DMD: variants seen among roughly 807,000 people sequenced by gnomAD.
DMD encodes dystrophin, also known as mutant dystrophin.
In DMD, 63 loss-of-function variants were observed where a neutral mutation model predicts 330.1. The ratio of observed to expected loss-of-function variants is 0.19; its 90% CI spans 0.16 to 0.24. The LOEUF (loss-of-function observed/expected upper bound fraction) is 0.24. Among genes scored for constraint, DMD ranks in the 10% least tolerant of loss-of-function variants. The pLI, the probability that DMD is intolerant of heterozygous loss-of-function variation, is 1.00. For missense variants in DMD, 3,344 were observed against 2,684.1 expected, an observed-to-expected ratio of 1.25 and a Z score of -5.43; for synonymous variants, 1,223 against 959.8, an observed-to-expected ratio of 1.27 and a Z score of -5.07.
At chrX:32,408,390 T>C (rs1217613030) in intron 30 of DMD, among the ~76,000 whole-genome samples, 1 of 112,019 alleles carries the variant, frequency 8.9e-6, no homozygotes, top group African/African-American at 3.2e-5. Context: ...CCAATGTGAA[T>C]GTAAAGAAGC....
chrX:32,532,001 T>A (rs1656938346), intron 17 of DMD, among the ~76,000 whole-genome samples: 1 of 111,338 alleles, frequency 9.0e-6, no homozygotes. Flanking sequence ...TTTCCCTTAA[T>A]TTCCTAAAAT....
chrX:32,748,522 T>G (rs1238296952), intron 7 of DMD, among the ~76,000 whole-genome samples: 1 of 111,354 alleles, frequency 9.0e-6, no homozygotes, highest in African/African-American at 3.3e-5. Context: ...TTTTAATAAT[T>G]ACATCTACAG....
intron 18 of DMD, among the ~76,000 whole-genome samples, chrX:32,513,434 G>T (rs970374934): frequency 2.7e-5 from 3 of 112,431 alleles, no homozygotes; most frequent in Non-Finnish European, 5.6e-5. Flanking sequence ...ATAGAAGTAA[G>T]CCATGATATT....
At chrX:32,216,860 G>A (rs2097114098) in intron 44 of DMD, 56 bp downstream of exon 44, 1 of 1,081,794 alleles carries the variant, frequency 9.2e-7, no homozygotes, top group African/African-American at 1.8e-5. Flanking sequence ...AGAAGTTAAA[G>A]AGTCCAGATG....
intron 7 of DMD, among the ~76,000 whole-genome samples, chrX:32,758,473 T>A (rs1489812332): frequency 9.0e-6 from 1 of 111,370 alleles, no homozygotes; most frequent in Non-Finnish European, 1.9e-5. Context: ...ATTCTCCTAC[T>A]CATCCAAATG....
intron 62 of DMD, among the ~76,000 whole-genome samples, chrX:31,309,457 AC>A (rs1260653895): frequency 1.8e-5 from 2 of 112,136 alleles, no homozygotes; most frequent in Non-Finnish European, 3.8e-5. Flanking sequence ...AAAACTTGGG[AC>A]AAGATGTTAA....
rs185146153 is a variant in DMD at position 32,481,415 on chromosome X, A to C, written c.2803+3504T>G. Among the ~76,000 whole-genome samples, 937 of 111,525 alleles carry C rather than the reference A, an allele frequency of 8.4e-3. 5 individuals are homozygous for C. Among genetic ancestry groups the C allele is most frequent in the Middle Eastern group, 0.014 (3 of 217 alleles). The stretch of plus-strand genomic sequence containing the variant: ...CCAGCTAGAGGGTGAGTTTTGAAAA[A>C]ATACAACTAAGGGTACTTAATTTCC... On this transcript the variant is annotated intron_variant, in intron 21 of 78. Transcript: ENST00000357033.
At chrX:32,199,969 T>G (rs1017624757) in intron 44 of DMD, among the ~76,000 whole-genome samples, 1 of 110,884 alleles carries the variant, frequency 9.0e-6, no homozygotes, top group African/African-American at 3.3e-5. Context: ...CACCTATAGT[T>G]TCTACCTCAA....
intron 55 of DMD, among the ~76,000 whole-genome samples, chrX:31,532,278 C>T (rs1227738718): frequency 2.4e-5 from 2 of 84,098 alleles, no homozygotes; most frequent in Non-Finnish European, 4.4e-5. Flanking sequence ...AGACTAACAG[C>T]GGATCTCTCG....
intron 16 of DMD, among the ~76,000 whole-genome samples, chrX:32,547,057 A>G (rs868504566): frequency 1.8e-5 from 2 of 109,199 alleles, no homozygotes; most frequent in East Asian, 5.8e-4. Flanking sequence ...AAGATAATTT[A>G]TTTTTTTATT....
chrX:32,971,395 G>C lies in DMD; in HGVS notation c.93+48744C>G, dbSNP rs949192140. Among the ~76,000 whole-genome samples, 3 of 111,589 alleles carry C rather than the reference G, an allele frequency of 2.7e-5. No homozygotes were observed. In the East Asian group the frequency reaches 8.4e-4, roughly 31 times the overall value. ...AATAATTTTTTTAACTAAATACTTG[G>C]TCACACTATATAAGTGGCATGTGAA... is the stretch of plus-strand genomic sequence containing the variant. On this transcript the variant is annotated intron_variant, in intron 2 of 78. Coordinates refer to ENST00000357033, the MANE Select transcript of DMD (RefSeq NM_004006.3).
In DMD at chrX:31,898,812, G is replaced by T. The variant is rs769308424; in HGVS notation, c.6913-23439C>A. 2.7e-5 allele frequency among the ~76,000 whole-genome samples: 3 copies of T among 112,114 alleles called. No individual in the cohort carries two copies. In the South Asian group the frequency reaches 1.1e-3, roughly 41 times the overall value. On this transcript the variant is annotated intron_variant, in intron 47 of 78. Coordinates refer to ENST00000357033, the MANE Select transcript of DMD (RefSeq NM_004006.3). ...GTAACATGTAAAGTGACAATTTAGA[G>T]GCTGATACAGAAGAATAGCGAATAA...
intron 44 of DMD, among the ~76,000 whole-genome samples, chrX:32,038,335 T>C (rs1324478570): frequency 3.6e-5 from 4 of 112,079 alleles, no homozygotes; most frequent in Non-Finnish European, 7.5e-5. Flanking sequence ...CTACACTTTT[T>C]ATTCTCAAAA....
intron 55 of DMD, among the ~76,000 whole-genome samples, chrX:31,574,153 T>TG (rs980143779): frequency 2.0e-5 from 2 of 100,341 alleles, no homozygotes; most frequent in African/African-American, 7.3e-5. Flanking sequence ...TTTGTTTTTT[T>TG]TTTTTTTTGA....
intron 13 of DMD, among the ~76,000 whole-genome samples, chrX:32,577,719 A>G (rs1303268324): frequency 8.9e-6 from 1 of 112,206 alleles, no homozygotes; most frequent in Non-Finnish European, 1.9e-5. Context: ...GCATGAACAC[A>G]TATCCTTTAG....
intron 2 of DMD, among the ~76,000 whole-genome samples, chrX:32,861,501 G>A (rs775038498): frequency 1.8e-5 from 2 of 111,658 alleles, no homozygotes; most frequent in African/African-American, 3.3e-5. Flanking sequence ...TCTGAGAAGA[G>A]TTTAATAAGG....
At chrX:31,499,952 G>T (rs1265764569) in intron 56 of DMD, among the ~76,000 whole-genome samples, 1 of 112,022 alleles carries the variant, frequency 8.9e-6, no homozygotes, top group Non-Finnish European at 1.9e-5. Context: ...TGGGTAAGGG[G>T]ACTTCCTTTA....
At chrX:31,127,465 A>C (rs770104577) in intron 77 of DMD, among the ~76,000 whole-genome samples, 5 of 112,720 alleles carry the variant, frequency 4.4e-5, no homozygotes, top group Admixed American at 9.4e-5. Flanking sequence ...ATTGGACAGA[A>C]AAGTAGGGAC....
chrX:33,169,562 AT>A (rs1414045629), intron 1 of DMD, among the ~76,000 whole-genome samples: 1 of 111,952 alleles, frequency 8.9e-6, no homozygotes, highest in Non-Finnish European at 1.9e-5. Context: ...ACTGGTTTAA[AT>A]TTTGAATTAA....
Sources: gnomAD v4.1 joint callset for allele counts (sites outside exome capture counted in the v4.1 genomes callset) on GRCh38, gnomAD v4.1.1 for gene constraint, MANE v1.5 for transcripts, NCBI Gene and HGNC (gene_info 2026-07-23, HGNC 2026-07-21) for gene names.